The following DLEC1 variants were observed in gnomAD, a reference collection of about 807,000 sequenced individuals.
DLEC1 encodes DLEC1 cilia and flagella associated protein, also known as deleted in lung and esophageal cancer protein 1.
A neutral mutation model predicts 198.1 loss-of-function variants in DLEC1; 146 were observed. The ratio of observed to expected loss-of-function variants is 0.74; its 90% CI spans 0.64 to 0.85. The LOEUF is 0.85. Ranked by LOEUF, DLEC1 falls within the 40% of genes least tolerant of loss-of-function variation. The pLI, the probability that DLEC1 is intolerant of heterozygous loss-of-function variation, is 0.00. For missense variants in DLEC1, 2,233 were observed against 2,220.0 expected (o/e 1.01, Z -0.12); for synonymous variants, 897 against 866.8 (o/e 1.03, Z -0.61).
At chr3:38,060,769 A>C (rs1696638101) in intron 3 of DLEC1, among the ~76,000 whole-genome samples, 1 of 151,632 alleles carries the variant, frequency 6.6e-6, no homozygotes, top group Non-Finnish European at 1.5e-5. Flanking sequence ...ATCTTGGCTC[A>C]CCACAACCTC....
At chr3:38,051,961 C>G (rs1001492433) in intron 2 of DLEC1, 6 of 167,116 alleles carry the variant, frequency 3.6e-5, no homozygotes, top group African/African-American at 1.4e-4. Context: ...ACTTAGAAAT[C>G]ACACATAGAC....
At chr3:38,109,635 G>A (rs929131306) in intron 22 of DLEC1, 73 bp downstream of exon 22, 130 of 1,603,684 alleles carry the variant, frequency 8.1e-5, no homozygotes, top group Non-Finnish European at 9.2e-5. Context: ...GGACCAGCAC[G>A]GCACTGTGGT....
Position 38,111,738 on chromosome 3 carries a change from G to A in DLEC1, c.3505G>A (p.Glu1169Lys), listed in dbSNP as rs1319057018. The change falls in exon 24 of 37, where the codon GAG becomes AAG. Residue 1169 changes from glutamate to lysine, a missense_variant. Coordinates refer to ENST00000308059, the MANE Select transcript of DLEC1 (RefSeq NM_007335.4). Reference sequence around the variant, plus strand: ...GATGCAAGAGCACCTGGCCAAGCGAGAGCAGCTGGGTAAGCGCCACCAGGG... The same window carrying A: ...GATGCAAGAGCACCTGGCCAAGCGAAAGCAGCTGGGTAAGCGCCACCAGGG... ...VRMQEHLAKR[E>K]QLDFMESMLS... The A allele has an allele frequency of 1.2e-6, 2 of 1,611,964 alleles. No individual in the cohort carries two copies. The highest frequency in any genetic ancestry group is 2.7e-5 in the African/African-American group (2 of 74,926).
At chr3:38,118,075 G>A (rs1700279403) in intron 33 of DLEC1, 51 bp downstream of exon 33, 1 of 1,541,790 alleles carries the variant, frequency 6.5e-7, no homozygotes, top group Non-Finnish European at 8.8e-7. Context: ...CCTCACATGT[G>A]TACAGACAGC....
chr3:38,086,116 T>G (rs1032989387), intron 8 of DLEC1, 125 bp from the exon 9 acceptor site: 28 of 1,355,100 alleles, frequency 2.1e-5, no homozygotes, highest in Non-Finnish European at 3.0e-6. Flanking sequence ...TCATCCTCTC[T>G]GCATAGGGTG....
chr3:38,052,259 TG>T (rs1575388324), intron 2 of DLEC1: 1 of 475,426 alleles, frequency 2.1e-6, no homozygotes, highest in Non-Finnish European at 4.2e-6. Flanking sequence ...GACTCCCTGT[TG>T]GTGAAGGTGT....
intron 3 of DLEC1, 53 bp from the exon 4 acceptor site, chr3:38,062,116 G>A: frequency 6.3e-7 from 1 of 1,594,890 alleles, no homozygotes; most frequent in Non-Finnish European, 8.6e-7. Context: ...TCTTAGGAAT[G>A]CCCACCTCCT....
At position 38,120,582 on chromosome 3, in the gene DLEC1, C is replaced by G. The variant is rs778739425; in HGVS notation, c.4839C>G (p.Leu1613=). 6 of 1,613,742 alleles carry G rather than the reference C, an allele frequency of 3.7e-6. No homozygotes were observed. The South Asian group carries it at 5.5e-5, about 15-fold the overall frequency. The stretch of plus-strand genomic sequence containing the variant: ...AGATGGTGTTTACTCAGAACCTGCT[C>G]CTGGAGTACACCAACCAGACCACTC... ...EREMVFTQNL[L]LEYTNQTTQV... is the part of the protein sequence containing the mutation. Residue 1613 remains leucine, a synonymous_variant, in exon 34 of 37, where the codon CTC becomes CTG. Coordinates refer to ENST00000308059, the MANE Select transcript of DLEC1 (RefSeq NM_007335.4).
chr3:38,091,653 T>C (rs943305444), intron 10 of DLEC1, among the ~76,000 whole-genome samples: 1 of 152,128 alleles, frequency 6.6e-6, no homozygotes, highest in African/African-American at 2.4e-5. Context: ...AGGAACTTAA[T>C]GCAATAGCAA....
chr3:38,075,179 G>A (rs1697540198), intron 6 of DLEC1, among the ~76,000 whole-genome samples: 1 of 152,080 alleles, frequency 6.6e-6, no homozygotes, highest in Non-Finnish European at 1.5e-5. Context: ...GGACTGAGGG[G>A]GCAGGCGGGA....
intron 24 of DLEC1, 145 bp downstream of exon 24, chr3:38,111,892 C>G: frequency 2.1e-6 from 2 of 940,582 alleles, no homozygotes; most frequent in Non-Finnish European, 3.1e-6. Context: ...CTGACAATGC[C>G]TCTTCCTGTT....
At chr3:38,068,960 G>A (rs532863684) in intron 6 of DLEC1, among the ~76,000 whole-genome samples, 14 of 152,272 alleles carry the variant, frequency 9.2e-5, no homozygotes, top group East Asian at 1.9e-4. Context: ...TAGGAAGGGC[G>A]TGTCATATGG....
At position 38,122,495 on chromosome 3, in the gene DLEC1, G is replaced by C; in HGVS notation, c.*83G>C. 6.2e-7 allele frequency: 1 copy of C among 1,613,076 alleles called. No individual in the cohort carries two copies. Among genetic ancestry groups the C allele is most frequent in the African/African-American group, 1.3e-5 (1 of 75,018 alleles). On this transcript the variant is annotated 3_prime_UTR_variant, in exon 37 of 37. Coordinates refer to ENST00000308059, the MANE Select transcript of DLEC1 (RefSeq NM_007335.4). ...ATTAGGAGCAGCTCTTCAGCACAAA[G>C]ACACAGACTTGGGGACCTGGGGACC... is the stretch of plus-strand genomic sequence containing the variant.
intron 6 of DLEC1, 88 bp downstream of exon 6, chr3:38,064,007 C>CTTTTTTTTTTT (rs71094947): frequency 2.1e-3 from 943 of 450,076 alleles, no homozygotes; most frequent in African/African-American, 5.6e-3. Context: ...TTTTTTTTTT[C>CTTTTTTTTTTT]TTTTTTTTTT....
At chr3:38,070,581 G>A (rs1021006660) in intron 6 of DLEC1, among the ~76,000 whole-genome samples, 18 of 152,280 alleles carry the variant, frequency 1.2e-4, no homozygotes, top group African/African-American at 3.4e-4. Context: ...GGCGAGCTGC[G>A]TCCACAAAGA....
chr3:38,114,701 C>T (rs1418564041), intron 26 of DLEC1, among the ~76,000 whole-genome samples: 1 of 151,930 alleles, frequency 6.6e-6, no homozygotes, highest in South Asian at 2.1e-4. Context: ...CAGTGTGGTC[C>T]GAGGTCAGCA....
chr3:38,092,280 C>A (rs1315296991), intron 10 of DLEC1, among the ~76,000 whole-genome samples: 1 of 152,156 alleles, frequency 6.6e-6, no homozygotes, highest in African/African-American at 2.4e-5. Flanking sequence ...TTATGTGAAG[C>A]CAAGCACAGA....
rs751711936 is a variant in DLEC1, at chr3:38,100,333, G to C, written c.2772G>C (p.Leu924=). 1 of 1,613,812 alleles carries C rather than the reference G, an allele frequency of 6.2e-7. No individual in the cohort carries two copies. Among genetic ancestry groups the C allele is most frequent in the Admixed American group, 1.7e-5 (1 of 59,918 alleles). Residue 924 remains leucine (L), a synonymous_variant, in exon 19 of 37, where the codon CTG becomes CTC. Coordinates refer to ENST00000308059, the MANE Select transcript of DLEC1 (RefSeq NM_007335.4). ...IEPSSGQLHS[L]GECRVDITLE... ...CTTCGAGTGGCCAGCTTCACTCTCT[G>C]GGGGAGTGCAGGGTGGACATCACCT...
At chr3:38,108,600 T>G (rs1699694811) in intron 21 of DLEC1, 85 bp downstream of exon 21, 1 of 1,048,808 alleles carries the variant, frequency 9.5e-7, no homozygotes, top group Non-Finnish European at 1.4e-6. Flanking sequence ...GGCCCTAGCT[T>G]AGGCCACATT....
Sources: allele counts gnomAD v4.1 joint callset (sites outside exome capture counted in the v4.1 genomes callset), GRCh38; gene constraint gnomAD v4.1.1; transcripts MANE v1.5; gene names NCBI Gene and HGNC (gene_info 2026-07-23, HGNC 2026-07-21).